FAM131A: variants seen among roughly 807,000 people sequenced by gnomAD.
FAM131A encodes protein FAM131A.
In FAM131A, 24 loss-of-function variants were observed where a neutral mutation model predicts 39.2. That is an observed-to-expected ratio of 0.61 (90% CI 0.44 to 0.86). FAM131A has a LOEUF of 0.86. Ranked by LOEUF, FAM131A falls within the 40% of genes least tolerant of loss-of-function variation. FAM131A has a pLI of 0.00. For synonymous variants in FAM131A, 202 were observed against 206.8 expected, an observed-to-expected ratio of 0.98 and a Z score of 0.20; for missense variants, 373 against 481.2, an observed-to-expected ratio of 0.78 and a Z score of 2.10.
chr3:184,342,594 C>T lies in FAM131A; in HGVS notation c.509-150C>T. ...GTGCTGGGATTACAGGCATAAGCCA[C>T]CACACCCGGCCAGGGCTGCTTTCTT... On this transcript the variant is annotated intron_variant, in intron 4 of 5. Coordinates refer to ENST00000383847, the MANE Select transcript of FAM131A (RefSeq NM_144635.5). This position sits in a 1 kb window ranked among gnomAD's most constrained non-coding sequence, Gnocchi z 4.6. 1.4e-6 allele frequency: 1 copy of T among 717,374 alleles called. No individual in the cohort carries two copies. Among genetic ancestry groups the T allele is most frequent in the Admixed American group, 2.7e-5 (1 of 36,546 alleles). The allele number at this position is 717,374 out of a possible 1,614,324, so 44.4% of individuals were successfully genotyped here. A position where few individuals can be genotyped will look rare whatever the true frequency, so the allele number is the denominator to read the frequency against.
intron 2 of FAM131A, 195 bp from the exon 3 acceptor site, chr3:184,341,529 C>A: frequency 1.7e-6 from 1 of 602,354 alleles, no homozygotes; most frequent in Non-Finnish European, 3.0e-6. Flanking sequence ...GTCTGAATCT[C>A]CATTGCTTTC....
intron 2 of FAM131A, chr3:184,341,468 C>G: frequency 3.6e-6 from 2 of 558,140 alleles, no homozygotes; most frequent in Non-Finnish European, 3.2e-6. Flanking sequence ...TCCATCTCCT[C>G]TGGGTGCTGG....
rs1560245292 is a variant in FAM131A, at chr3:184,344,940, TGAG to T, written c.1074_1076del (p.Glu358del). The T allele has an allele frequency of 6.3e-7, 1 of 1,592,502 alleles. No homozygotes were observed. Among genetic ancestry groups the T allele is most frequent in the East Asian group, 2.3e-5 (1 of 44,210 alleles). On this transcript the variant is annotated inframe_deletion, in exon 6 of 6. Coordinates refer to ENST00000383847, the MANE Select transcript of FAM131A (RefSeq NM_144635.5). ...CCTCTTCTGGGGTGGTGTCCTTAGA[TGAG>T]GATGAGGCAGAGCCAGAGGAACAGT...
intron 2 of FAM131A, 67 bp from the exon 3 acceptor site, chr3:184,341,657 A>G: frequency 7.4e-7 from 1 of 1,344,258 alleles, no homozygotes; most frequent in East Asian, 2.4e-5. Flanking sequence ...TTTGCTGGGT[A>G]TGGGCATGTT....
upstream of FAM131A, chr3:184,337,518 G>T: frequency 1.1e-6 from 1 of 912,198 alleles, no homozygotes; most frequent in Non-Finnish European, 1.7e-6. Context: ...CTAGGCACAG[G>T]TTCCAAATGG....
Position 184,338,354 on chromosome 3 carries a change from G to A in FAM131A, c.89-33G>A, listed in dbSNP as rs187544102. On this transcript the variant is annotated intron_variant, in intron 1 of 5. Coordinates refer to ENST00000383847, the MANE Select transcript of FAM131A (RefSeq NM_144635.5). ...AATGGGGATCTCTGCAGAAGTAGGG[G>A]CACAGCTCAACAGCCTTTCCCCTTC... 100 of 1,419,402 alleles carry A rather than the reference G, an allele frequency of 7.0e-5. No individual in the cohort carries two copies. The African/African-American group carries it at 1.3e-3, about 18-fold the overall frequency. The allele number at this position is 1,419,402 out of a possible 1,614,324, so 87.9% of individuals were successfully genotyped here.
chr3:184,341,905 G>A, intron 3 of FAM131A, 88 bp downstream of exon 3: 1 of 1,522,656 alleles, frequency 6.6e-7, no homozygotes, highest in Non-Finnish European at 9.1e-7. Flanking sequence ...GTGAGTACAT[G>A]CTGGGGTCTC....
intron 1 of FAM131A, 25 bp from the exon 2 acceptor site, chr3:184,338,362 C>T (rs1727213895): frequency 7.0e-7 from 1 of 1,425,804 alleles, no homozygotes; most frequent in Admixed American, 3.0e-5. Flanking sequence ...GGGCACAGCT[C>T]AACAGCCTTT....
rs921625482 is a variant in FAM131A at position 184,345,885 on chromosome 3, T to C, written c.*915T>C. ...CCGGGAGTTGTCAGCTGATGCCTGC[T>C]GAGAGGCAGGAATTGTGCCAGTGAG... On this transcript the variant is annotated 3_prime_UTR_variant, in exon 6 of 6. Coordinates refer to ENST00000383847, the MANE Select transcript of FAM131A (RefSeq NM_144635.5). 7 of 438,262 alleles carry C rather than the reference T, an allele frequency of 1.6e-5. No homozygotes were observed. Among genetic ancestry groups the C allele is most frequent in the Non-Finnish European group, 2.8e-5 (7 of 247,768 alleles). 27.1% of individuals were successfully genotyped at this position (438,262 alleles called of 1,614,324 possible). A position where few individuals can be genotyped will look rare whatever the true frequency, so the allele number is the denominator to read the frequency against.
chr3:184,343,122 C>CAAAAA (rs3064291), intron 5 of FAM131A: 3 of 105,602 alleles, frequency 2.8e-5, no homozygotes, highest in East Asian at 2.8e-4. Context: ...TTGCAGTCCT[C>CAAAAA]AAAAAAAAAA....
At position 184,345,809 on chromosome 3, in the gene FAM131A, C is replaced by G; in HGVS notation, c.*839C>G. ...AAGGATGGCTCTGGTTGCCACAGAGCTGGGACTTCATGTTCTTCTAGAGAG... is the reference window on the plus strand; with the variant it reads ...AAGGATGGCTCTGGTTGCCACAGAGGTGGGACTTCATGTTCTTCTAGAGAG... On this transcript the variant is annotated 3_prime_UTR_variant, in exon 6 of 6. Transcript: ENST00000383847. The G allele has an allele frequency of 3.6e-6, 2 of 560,906 alleles. No homozygotes were observed. Among genetic ancestry groups the G allele is most frequent in the Non-Finnish European group, 3.1e-6 (1 of 319,742 alleles). 34.7% of individuals were successfully genotyped at this position (560,906 alleles called of 1,614,324 possible). A position where few individuals can be genotyped will look rare whatever the true frequency, so the allele number is the denominator to read the frequency against.
rs763735013 is a variant in FAM131A at position 184,342,735 on chromosome 3, C to G, written c.509-9C>G. On this transcript the variant is annotated splice_polypyrimidine_tract_variant and intron_variant, in intron 4 of 5. Transcript: ENST00000383847. The surrounding 1 kb of genome is among the most constrained non-coding windows in gnomAD (Gnocchi z 4.6). Reference sequence around the variant, plus strand: ...CCTTCTCTGCTTATGCATTCTGTCCCTGCGACAGGAGTGGCTGAGCAGTTT... The same window carrying G: ...CCTTCTCTGCTTATGCATTCTGTCCGTGCGACAGGAGTGGCTGAGCAGTTT... 8.1e-6 allele frequency: 13 copies of G among 1,611,510 alleles called. No homozygotes were observed. The South Asian group carries it at 1.1e-4, about 14-fold the overall frequency.
In FAM131A at chr3:184,345,035, C is replaced by T; in HGVS notation, c.*65C>T. 1 of 1,395,874 alleles carries T rather than the reference C, an allele frequency of 7.2e-7. No homozygotes were observed. The highest frequency in any genetic ancestry group is 1.4e-5 in the African/African-American group (1 of 69,164). The allele number at this position is 1,395,874 out of a possible 1,614,324, so 86.5% of individuals were successfully genotyped here. On this transcript the variant is annotated 3_prime_UTR_variant, in exon 6 of 6. Transcript: ENST00000383847. ...CTGCCAGGGGCAGAGCCTCTGTGCC[C>T]AAGTGTGGGCTCAAGGCTCCCAGCA...
In FAM131A at chr3:184,346,062, A is replaced by G. The variant is rs1460948523; in HGVS notation, c.*1092A>G. 1.6e-5 allele frequency: 3 copies of G among 186,590 alleles called. No individual in the cohort carries two copies. Among genetic ancestry groups the G allele is most frequent in the Non-Finnish European group, 3.4e-5 (3 of 89,256 alleles). The allele number at this position is 186,590 out of a possible 1,614,324, so 11.6% of individuals were successfully genotyped here. A position where few individuals can be genotyped will look rare whatever the true frequency, so the allele number is the denominator to read the frequency against. On this transcript the variant is annotated 3_prime_UTR_variant, in exon 6 of 6. Coordinates refer to ENST00000383847, the MANE Select transcript of FAM131A (RefSeq NM_144635.5). This position sits in a 1 kb window ranked among gnomAD's most constrained non-coding sequence, Gnocchi z 6.0. ...GGCCTCTGGCAGATCCTGCATTCCA[A>G]GGTCACTGGACTGTACGTTTTTATG...
At chr3:184,337,577 A>T, upstream of FAM131A, 1 of 1,497,774 alleles carries the variant, frequency 6.7e-7, no homozygotes. Flanking sequence ...TAGAACTGGG[A>T]GCTGAGCCTG....
rs1402973636 is a variant in FAM131A, at chr3:184,345,428, A to AC, written c.*463dup. 1.2e-5 allele frequency: 8 copies of AC among 672,938 alleles called. No individual in the cohort carries two copies. In the African/African-American group the frequency reaches 1.5e-4, roughly 12 times the overall value. 41.7% of individuals were successfully genotyped at this position (672,938 alleles called of 1,614,324 possible). Reference sequence around the variant, plus strand: ...TCCATGTGCAGTGCTTGATAGAATCACCCCCACCTGGAGGGGCTGGCTCCT... The same window carrying AC: ...TCCATGTGCAGTGCTTGATAGAATCACCCCCCACCTGGAGGGGCTGGCTCCT... On this transcript the variant is annotated 3_prime_UTR_variant, in exon 6 of 6. Transcript: ENST00000383847.
chr3:184,338,028 G>T (rs537744098), intron 1 of FAM131A, among the ~76,000 whole-genome samples: 2 of 152,090 alleles, frequency 1.3e-5, no homozygotes, highest in Admixed American at 1.3e-4. Context: ...CCAGGGTGGC[G>T]GTGGTGGGGG....
At chr3:184,343,612 T>C (rs1481931149) in intron 5 of FAM131A, among the ~76,000 whole-genome samples, 1 of 152,210 alleles carries the variant, frequency 6.6e-6, no homozygotes, top group Non-Finnish European at 1.5e-5. Flanking sequence ...AGGCAATACA[T>C]GAGAGCAGGT....
intron 3 of FAM131A, 119 bp from the exon 4 acceptor site, chr3:184,341,947 C>T: frequency 6.7e-7 from 1 of 1,494,734 alleles, no homozygotes; most frequent in Non-Finnish European, 9.3e-7. Flanking sequence ...TGAATCTCAG[C>T]CCCTTCTCCC....
Sources: allele counts gnomAD v4.1 joint callset (sites outside exome capture counted in the v4.1 genomes callset), GRCh38; gene constraint gnomAD v4.1.1; non-coding constraint Gnocchi (gnomAD v3.1); transcripts MANE v1.5; gene names NCBI Gene and HGNC (gene_info 2026-07-23, HGNC 2026-07-21).